Variants in ASB5 observed in about 807,000 individuals in gnomAD.
ASB5 encodes the protein ankyrin repeat and SOCS box containing 5.
ASB5 carries 45 observed loss-of-function variants against 42.1 expected under a neutral mutation model. The observed-to-expected ratio is 1.07, with a 90% confidence interval of 0.84 to 1.37. The LOEUF is 1.37. Ranked by LOEUF, ASB5 falls within the 40% of genes most tolerant of loss-of-function variation. The pLI, the probability that ASB5 is intolerant of heterozygous loss-of-function variation, is 0.00. For missense variants in ASB5, 402 were observed against 399.8 expected, an observed-to-expected ratio of 1.01 and a Z score of -0.05; for synonymous variants, 147 against 150.6, an observed-to-expected ratio of 0.98 and a Z score of 0.18.
chr4:176,261,158 T>A (rs1254309295), intron 1 of ASB5, among the ~76,000 whole-genome samples: 1 of 152,206 alleles, frequency 6.6e-6, no homozygotes, highest in Admixed American at 6.5e-5. Flanking sequence ...GAAAATGGGC[T>A]TAATTGCTAA....
In ASB5 at chr4:176,215,372, T is replaced by C. The variant is rs772961431; in HGVS notation, c.*228A>G. On this transcript the variant is annotated 3_prime_UTR_variant, in exon 7 of 7. Transcript: ENST00000296525. Reference sequence around the variant, plus strand: ...TTCCTGAATAAACAGGAGGGTATATTGAAATAACAAAAAATAGATATTATA... The same window carrying C: ...TTCCTGAATAAACAGGAGGGTATATCGAAATAACAAAAAATAGATATTATA... The C allele has an allele frequency of 1.1e-4, 36 of 326,300 alleles. No individual in the cohort carries two copies. Among genetic ancestry groups the C allele is most frequent in the Non-Finnish European group, 1.5e-4 (28 of 184,530 alleles). 20.2% of individuals were successfully genotyped at this position (326,300 alleles called of 1,614,324 possible).
chr4:176,268,152 T>C (rs1754393922), intron 1 of ASB5, among the ~76,000 whole-genome samples: 1 of 152,196 alleles, frequency 6.6e-6, no homozygotes, highest in Non-Finnish European at 1.5e-5. Context: ...ATGAGTCATT[T>C]TTATTTTTTA....
intron 1 of ASB5, among the ~76,000 whole-genome samples, chr4:176,242,088 C>T (rs574239794): frequency 4.6e-5 from 7 of 152,282 alleles, no homozygotes; most frequent in Non-Finnish European, 1.0e-4. Context: ...ACCCACGGCA[C>T]CTGGTACCCT....
At chr4:176,266,206 G>A (rs1000582518) in intron 1 of ASB5, among the ~76,000 whole-genome samples, 5 of 152,126 alleles carry the variant, frequency 3.3e-5, no homozygotes, top group African/African-American at 1.2e-4. Flanking sequence ...TGCTCATGGG[G>A]AGGGCATCCA....
chr4:176,231,240 T>A (rs1215047087), intron 1 of ASB5, among the ~76,000 whole-genome samples: 4 of 147,548 alleles, frequency 2.7e-5, no homozygotes, highest in Non-Finnish European at 6.0e-5. Context: ...TTTTTTTTTT[T>A]ATCAGCAAGA....
intron 1 of ASB5, chr4:176,241,721 G>GA (rs1034957211): frequency 1.2e-5 from 15 of 1,224,492 alleles, no homozygotes; most frequent in South Asian, 8.9e-5. Flanking sequence ...AAGCATCTTG[G>GA]AAAAAAAATT....
At chr4:176,238,058 C>T (rs958574817) in intron 1 of ASB5, among the ~76,000 whole-genome samples, 2 of 152,002 alleles carry the variant, frequency 1.3e-5, no homozygotes, top group Non-Finnish European at 2.9e-5. Flanking sequence ...CCCGTCTTTA[C>T]TAAAAATACA....
chr4:176,266,817 A>G (rs538271320), intron 1 of ASB5, among the ~76,000 whole-genome samples: 32 of 152,218 alleles, frequency 2.1e-4, no homozygotes, highest in African/African-American at 7.0e-4. Context: ...TCCTATTGAT[A>G]TTGATTTCCT....
chr4:176,239,331 C>G (rs1753762557), intron 1 of ASB5, among the ~76,000 whole-genome samples: 1 of 152,034 alleles, frequency 6.6e-6, no homozygotes, highest in Non-Finnish European at 1.5e-5. Context: ...GAAGCTTATA[C>G]TTATTATTCT....
At chr4:176,268,652 A>G (rs578231921) in intron 1 of ASB5, among the ~76,000 whole-genome samples, 20 of 152,202 alleles carry the variant, frequency 1.3e-4, no homozygotes, top group East Asian at 1.2e-3. Context: ...ATATATTTCT[A>G]TTACATATAT....
chr4:176,251,863 A>C lies in ASB5; in HGVS notation c.196+17050T>G, dbSNP rs28489051. Among the ~76,000 whole-genome samples the C allele has an allele frequency of 7.9e-3, 1,199 of 151,642 alleles. 22 individuals carry two copies. Among genetic ancestry groups the C allele is most frequent in the African/African-American group, 0.027 (1,130 of 41,370 alleles). ...GATCACTTAAGCCCAGGAGTTCGAG[A>C]CCACCCTGGGCAAGCAACATGGCTA... is the stretch of plus-strand genomic sequence containing the variant. On this transcript the variant is annotated intron_variant, in intron 1 of 6. Transcript: ENST00000296525.
intron 4 of ASB5, 29 bp downstream of exon 4, chr4:176,221,421 C>G (rs575064687): frequency 1.2e-6 from 2 of 1,607,156 alleles, no homozygotes; most frequent in African/African-American, 2.7e-5. Flanking sequence ...ACTTTCTTCC[C>G]TTGTCACTTA....
intron 1 of ASB5, among the ~76,000 whole-genome samples, chr4:176,254,026 A>T (rs1754098760): frequency 6.6e-6 from 1 of 152,198 alleles, no homozygotes; most frequent in Non-Finnish European, 1.5e-5. Context: ...CAAACCAGGA[A>T]CATCATTTTT....
At chr4:176,217,399 G>C (rs1372481142) in intron 5 of ASB5, among the ~76,000 whole-genome samples, 2 of 152,050 alleles carry the variant, frequency 1.3e-5, no homozygotes, top group African/African-American at 4.8e-5. Context: ...CATCATGGTT[G>C]ATAGCTTTTA....
upstream of ASB5, among the ~76,000 whole-genome samples, chr4:176,272,709 T>G (rs1754490952): frequency 6.6e-6 from 1 of 152,146 alleles, no homozygotes. Context: ...ACTCAGAAGT[T>G]GAATATGAAA....
chr4:176,261,021 T>G (rs1007894228), intron 1 of ASB5, among the ~76,000 whole-genome samples: 1 of 152,230 alleles, frequency 6.6e-6, no homozygotes, highest in African/African-American at 2.4e-5. Flanking sequence ...GCTTTCTGTC[T>G]TTTTAATTTT....
At chr4:176,230,300 T>C (rs1753501146) in intron 1 of ASB5, among the ~76,000 whole-genome samples, 1 of 152,192 alleles carries the variant, frequency 6.6e-6, no homozygotes, top group Non-Finnish European at 1.5e-5. Flanking sequence ...CATCATTTAT[T>C]GACTAAAATA....
chr4:176,222,501 A>T (rs1284932192), intron 2 of ASB5, 81 bp from the exon 3 acceptor site: 12 of 1,271,442 alleles, frequency 9.4e-6, no homozygotes, highest in Non-Finnish European at 1.3e-5. Flanking sequence ...CTAGAGAGTG[A>T]TATATTTTAG....
chr4:176,272,700 C>T (rs1313248653), upstream of ASB5, among the ~76,000 whole-genome samples: 2 of 152,090 alleles, frequency 1.3e-5, no homozygotes, highest in Non-Finnish European at 2.9e-5. Context: ...CTTCATGTCA[C>T]TCAGAAGTTG....
Sources: allele counts gnomAD v4.1 joint callset (sites outside exome capture counted in the v4.1 genomes callset), GRCh38; gene constraint gnomAD v4.1.1; transcripts MANE v1.5; gene names NCBI Gene and HGNC (gene_info 2026-07-23, HGNC 2026-07-21).